The following DAB2IP variants were observed in gnomAD, a reference collection of about 807,000 sequenced individuals.
DAB2IP encodes disabled homolog 2-interacting protein.
Under a neutral mutation model 107.2 loss-of-function variants are expected in DAB2IP, and 28 were observed. The observed-to-expected ratio is 0.26, with a 90% confidence interval of 0.19 to 0.36. The LOEUF is 0.36. Among genes scored for constraint, DAB2IP ranks in the 10% least tolerant of loss-of-function variants. DAB2IP has a pLI of 1.00. For synonymous variants in DAB2IP, 755 were observed against 706.4 expected, an observed-to-expected ratio of 1.07 and a Z score of -1.09; for missense variants, 1,400 against 1,644.7, an observed-to-expected ratio of 0.85 and a Z score of 2.57.
At chr9:121,597,830 C>T (rs1415229031) in intron 1 of DAB2IP, among the ~76,000 whole-genome samples, 3 of 152,212 alleles carry the variant, frequency 2.0e-5, no homozygotes, top group Non-Finnish European at 1.5e-5. Context: ...GCATCCATCG[C>T]ATATGCTCCG....
intron 1 of DAB2IP, among the ~76,000 whole-genome samples, chr9:121,657,119 C>T (rs567415660): frequency 1.3e-5 from 2 of 152,334 alleles, no homozygotes; most frequent in South Asian, 2.1e-4. Context: ...GCCCCTGCCC[C>T]CTGGATCCTG....
At chr9:121,678,301 T>A (rs1377754202) in intron 1 of DAB2IP, among the ~76,000 whole-genome samples, 5 of 152,272 alleles carry the variant, frequency 3.3e-5, no homozygotes, top group African/African-American at 1.2e-4. Context: ...CCATCCACAT[T>A]ACAGCTTAAA....
At chr9:121,598,925 C>T (rs953868806) in intron 1 of DAB2IP, among the ~76,000 whole-genome samples, 2 of 152,210 alleles carry the variant, frequency 1.3e-5, no homozygotes, top group Admixed American at 1.3e-4. Flanking sequence ...CTTGCTGAAG[C>T]GGGTCGCAGA....
At chr9:121,646,022 C>T (rs1832524696) in intron 1 of DAB2IP, among the ~76,000 whole-genome samples, 1 of 152,124 alleles carries the variant, frequency 6.6e-6, no homozygotes, top group Admixed American at 6.5e-5. Context: ...CCCGAGGGCT[C>T]TGCCCTCGGC....
intron 1 of DAB2IP, among the ~76,000 whole-genome samples, chr9:121,644,526 G>A (rs766079386): frequency 2.0e-5 from 3 of 152,124 alleles, no homozygotes; most frequent in Non-Finnish European, 4.4e-5. Flanking sequence ...GAACCTGGGA[G>A]GCGGAGGTTG....
At chr9:121,781,401 TCA>T in intron 14 of DAB2IP, 61 bp from the exon 15 acceptor site, 1 of 1,543,916 alleles carries the variant, frequency 6.5e-7, no homozygotes, top group African/African-American at 1.4e-5. Flanking sequence ...GGGCTTGTTC[TCA>T]CACCCTCCCC....
intron 1 of DAB2IP, among the ~76,000 whole-genome samples, chr9:121,568,442 C>T (rs112390052): frequency 6.6e-6 from 1 of 152,124 alleles, no homozygotes; most frequent in Non-Finnish European, 1.5e-5. Flanking sequence ...GAATGAGGAA[C>T]TCAGTCCTAA....
At chr9:121,577,159 G>A in intron 1 of DAB2IP, among the ~76,000 whole-genome samples, 1 of 152,216 alleles carries the variant, frequency 6.6e-6, no homozygotes, top group South Asian at 2.1e-4. Context: ...CAGACACAGA[G>A]AAGAAGCTGC....
At chr9:121,747,653 C>G (rs1209857106) in intron 3 of DAB2IP, among the ~76,000 whole-genome samples, 2 of 152,058 alleles carry the variant, frequency 1.3e-5, no homozygotes, top group African/African-American at 4.8e-5. Context: ...GGCCTAGATG[C>G]TCTTCTTTTA....
exon 1 of DAB2IP, chr9:121,567,080 C>G: frequency 7.0e-7 from 1 of 1,420,118 alleles, no homozygotes; most frequent in Non-Finnish European, 9.9e-7. Flanking sequence ...ACCCAGTCAT[C>G]TAGTTGGAAA....
At chr9:121,661,790 C>G (rs189978154) in intron 1 of DAB2IP, among the ~76,000 whole-genome samples, 26 of 152,254 alleles carry the variant, frequency 1.7e-4, no homozygotes, top group Admixed American at 5.9e-4. Context: ...TGAGACCAGC[C>G]TGGGCAAATA....
intron 3 of DAB2IP, among the ~76,000 whole-genome samples, chr9:121,706,644 C>T (rs1830071464): frequency 6.6e-6 from 1 of 152,190 alleles, no homozygotes; most frequent in South Asian, 2.1e-4. Context: ...CCTCAAAGGG[C>T]TGGCTGGAAA....
At position 121,628,483 on chromosome 9, in the gene DAB2IP, G is replaced by A. The variant is rs1415245302; in HGVS notation, c.41-50195G>A. 3.3e-5 allele frequency among the ~76,000 whole-genome samples: 5 copies of A among 152,364 alleles called. No individual in the cohort carries two copies. The East Asian group carries it at 9.7e-4, about 29-fold the overall frequency. ...CTGGCTATGGGTGTGGTGGTTGGAG[G>A]TGATAAGGAAAGAACTTAGGGGCTG... is the stretch of plus-strand genomic sequence containing the variant. On this transcript the variant is annotated intron_variant, in intron 1 of 16. Coordinates refer to the DAB2IP transcript ENST00000259371.
At chr9:121,694,259 C>T (rs1418880056) in intron 2 of DAB2IP, among the ~76,000 whole-genome samples, 2 of 152,114 alleles carry the variant, frequency 1.3e-5, no homozygotes, top group African/African-American at 4.8e-5. Context: ...TGGTTACAGT[C>T]CCAGCTCTGC....
At position 121,715,351 on chromosome 9, in the gene DAB2IP, C is replaced by CT. The variant is rs768480637; in HGVS notation, c.362+15907dup. On this transcript the variant is annotated intron_variant, in intron 3 of 15. Transcript: ENST00000408936. ...GTTTTCTTTTTCTTTTTCTTTCTTT[C>CT]TTTTTTTTTTTTTTGAGACAGAGTC... Among the ~76,000 whole-genome samples, 1,207 of 129,620 alleles carry CT rather than the reference C, an allele frequency of 9.3e-3. 4 individuals carry two copies. Among genetic ancestry groups the CT allele is most frequent in the South Asian group, 0.021 (86 of 4,192 alleles). 85.0% of individuals were successfully genotyped at this position (129,620 alleles called of 152,430 possible). A position where few individuals can be genotyped will look rare whatever the true frequency, so the allele number is the denominator to read the frequency against.
intron 1 of DAB2IP, among the ~76,000 whole-genome samples, chr9:121,604,590 T>A (rs1830803192): frequency 6.6e-6 from 1 of 152,210 alleles, no homozygotes; most frequent in Non-Finnish European, 1.5e-5. Context: ...CCCTTTTCTC[T>A]CTGCCACTGC....
intron 14 of DAB2IP, among the ~76,000 whole-genome samples, chr9:121,778,347 ACATT>A (rs1835352944): frequency 1.3e-5 from 2 of 152,244 alleles, no homozygotes; most frequent in African/African-American, 2.4e-5. Context: ...GGTGACACAA[ACATT>A]CAGAGCATAG....
At chr9:121,758,382 C>A (rs1833642190) in intron 4 of DAB2IP, among the ~76,000 whole-genome samples, 1 of 152,184 alleles carries the variant, frequency 6.6e-6, no homozygotes, top group Non-Finnish European at 1.5e-5. Context: ...TAAAAAATAT[C>A]AGGCTTATAT....
chr9:121,614,261 T>C (rs1428008483), intron 1 of DAB2IP, among the ~76,000 whole-genome samples: 1 of 152,066 alleles, frequency 6.6e-6, no homozygotes, highest in Non-Finnish European at 1.5e-5. Flanking sequence ...CTTTCTAGCC[T>C]TGACCTCCTT....
Sources: allele counts gnomAD v4.1 joint callset (sites outside exome capture counted in the v4.1 genomes callset), GRCh38; gene constraint gnomAD v4.1.1; transcripts MANE v1.5; gene names NCBI Gene and HGNC (gene_info 2026-07-23, HGNC 2026-07-21).